The following HPSE2 variants were observed in gnomAD, a reference collection of about 807,000 sequenced individuals.
HPSE2 encodes inactive heparanase-2.
Under a neutral mutation model 60.5 loss-of-function variants are expected in HPSE2, and 38 were observed. The ratio of observed to expected loss-of-function variants is 0.63; its 90% confidence interval spans 0.48 to 0.82. The LOEUF is 0.82. HPSE2 is among the 40% of genes least tolerant of loss of function. The pLI, the probability that HPSE2 is intolerant of heterozygous loss-of-function variation, is 0.00. For synonymous variants in HPSE2, 295 were observed against 293.2 expected (o/e 1.01, Z -0.06); for missense variants, 713 against 740.4 (o/e 0.96, Z 0.43).
intron 3 of HPSE2, among the ~76,000 whole-genome samples, chr10:99,061,041 T>C (rs1008371455): frequency 6.6e-6 from 1 of 152,048 alleles, no homozygotes; most frequent in Non-Finnish European, 1.5e-5. Flanking sequence ...GGTTTAAAAT[T>C]TTACAGAAAA....
chr10:98,515,860 CA>C (rs757143842), intron 9 of HPSE2, among the ~76,000 whole-genome samples: 131 of 152,268 alleles, frequency 8.6e-4, no homozygotes, highest in Non-Finnish European at 1.7e-3. Context: ...TTTTCTACAG[CA>C]CTACAAGCAC....
intron 9 of HPSE2, among the ~76,000 whole-genome samples, chr10:98,576,831 T>C (rs1054024263): frequency 6.6e-6 from 1 of 152,176 alleles, no homozygotes; most frequent in Non-Finnish European, 1.5e-5. Context: ...GGATTTTCAA[T>C]TGCTAATTAG....
intron 2 of HPSE2, among the ~76,000 whole-genome samples, chr10:99,150,663 CAT>C (rs1239989043): frequency 3.3e-5 from 5 of 152,130 alleles, no homozygotes; most frequent in Non-Finnish European, 5.9e-5. Context: ...CTTCAGGAGA[CAT>C]AAAATGAGCT....
chr10:99,290,259 G>C, the HPSE2 span, among the ~76,000 whole-genome samples: 1 of 152,186 alleles, frequency 6.6e-6, no homozygotes, highest in Non-Finnish European at 1.5e-5. Context: ...GAAAAAGCCA[G>C]AGTGAAAAAG....
the HPSE2 span, among the ~76,000 whole-genome samples, chr10:99,251,075 A>G: frequency 1.3e-5 from 2 of 152,204 alleles, no homozygotes; most frequent in Non-Finnish European, 2.9e-5. Context: ...TTGTTCTTTG[A>G]AAGGATCAAG....
At chr10:98,626,679 A>T (rs915456941) in intron 7 of HPSE2, among the ~76,000 whole-genome samples, 4 of 152,202 alleles carry the variant, frequency 2.6e-5, no homozygotes. Context: ...TAATAAAATG[A>T]TGTTAAATGA....
At chr10:99,043,402 T>C (rs770344704) in intron 3 of HPSE2, among the ~76,000 whole-genome samples, 1 of 152,078 alleles carries the variant, frequency 6.6e-6, no homozygotes, top group Non-Finnish European at 1.5e-5. Flanking sequence ...GAGAATGGCA[T>C]GAATCTGGGA....
chr10:98,579,658 C>A (rs1243150260), intron 9 of HPSE2, among the ~76,000 whole-genome samples: 1 of 152,158 alleles, frequency 6.6e-6, no homozygotes, highest in East Asian at 1.9e-4. Flanking sequence ...TATTTGTAAT[C>A]TATTCTTTAA....
chr10:99,215,505 C>G (rs1412143473), intron 2 of HPSE2, among the ~76,000 whole-genome samples: 2 of 152,190 alleles, frequency 1.3e-5, no homozygotes, highest in Non-Finnish European at 2.9e-5. Flanking sequence ...GGACAAATAT[C>G]TAATGCATGC....
chr10:98,579,069 ATAT>A (rs1944718380), intron 9 of HPSE2, among the ~76,000 whole-genome samples: 1 of 148,518 alleles, frequency 6.7e-6, no homozygotes, highest in Non-Finnish European at 1.5e-5. Flanking sequence ...CAATTAGCTT[ATAT>A]GTCAGTGGGA....
chr10:98,572,723 T>A (rs1011344426), intron 9 of HPSE2, among the ~76,000 whole-genome samples: 4 of 152,208 alleles, frequency 2.6e-5, no homozygotes, highest in Non-Finnish European at 4.4e-5. Flanking sequence ...CATCCTCTTT[T>A]TAAAAAGAAA....
chr10:98,873,546 T>C (rs1485409734), intron 3 of HPSE2, among the ~76,000 whole-genome samples: 1 of 152,086 alleles, frequency 6.6e-6, no homozygotes, highest in Non-Finnish European at 1.5e-5. Flanking sequence ...CTCATTCCTT[T>C]TTATGCATCG....
chr10:99,174,436 C>T (rs972804768), intron 2 of HPSE2, among the ~76,000 whole-genome samples: 17 of 152,172 alleles, frequency 1.1e-4, no homozygotes, highest in African/African-American at 2.4e-4. Flanking sequence ...GGAGATGTAT[C>T]GTCAACAATG....
the HPSE2 span, among the ~76,000 whole-genome samples, chr10:99,276,410 T>C: frequency 6.6e-6 from 1 of 152,178 alleles, no homozygotes; most frequent in East Asian, 1.9e-4. Flanking sequence ...TGTCTAGCCA[T>C]CACTTTTTAA....
intron 3 of HPSE2, among the ~76,000 whole-genome samples, chr10:98,782,926 A>T (rs201401082): frequency 6.0e-4 from 74 of 124,344 alleles, no homozygotes; most frequent in East Asian, 9.3e-4. Context: ...TTTTTTTTTT[A>T]TTTTTTTTTT....
At chr10:99,022,260 C>A (rs1290659304) in intron 3 of HPSE2, among the ~76,000 whole-genome samples, 2 of 151,936 alleles carry the variant, frequency 1.3e-5, no homozygotes, top group African/African-American at 2.4e-5. Flanking sequence ...GAAAACTGGA[C>A]CAAACTCAGC....
chr10:99,228,574 C>T (rs969638760), intron 2 of HPSE2, among the ~76,000 whole-genome samples: 1 of 152,126 alleles, frequency 6.6e-6, no homozygotes, highest in African/African-American at 2.4e-5. Context: ...TAAAGCATAA[C>T]ATTACATAGA....
At chr10:98,853,993 G>C (rs1443375948) in intron 3 of HPSE2, among the ~76,000 whole-genome samples, 1 of 152,124 alleles carries the variant, frequency 6.6e-6, no homozygotes, top group African/African-American at 2.4e-5. Flanking sequence ...AAGAAAATAA[G>C]TAATACTTGT....
intron 9 of HPSE2, among the ~76,000 whole-genome samples, chr10:98,526,009 G>A (rs1038774330): frequency 1.3e-5 from 2 of 152,116 alleles, no homozygotes; most frequent in African/African-American, 2.4e-5. Context: ...ATTTCCCAAC[G>A]TTACATATAC....
Sources: gnomAD v4.1 joint callset for allele counts (sites outside exome capture counted in the v4.1 genomes callset) on GRCh38, gnomAD v4.1.1 for gene constraint, MANE v1.5 for transcripts, NCBI Gene and HGNC (gene_info 2026-07-23, HGNC 2026-07-21) for gene names.